The following SNX29 variants were observed in gnomAD, a reference collection of about 807,000 sequenced individuals.
The protein encoded by SNX29 is sorting nexin-29.
SNX29 carries 78 observed loss-of-function variants against 102.1 expected under a neutral mutation model. The ratio of observed to expected loss-of-function variants is 0.76; its 90% CI spans 0.64 to 0.92. SNX29 has a LOEUF of 0.92. SNX29 is among the 40% of genes least tolerant of loss of function. The pLI is 0.00. For missense variants in SNX29, 1,280 were observed against 1,061.7 expected (o/e 1.21, Z -2.86); for synonymous variants, 580 against 414.5 (o/e 1.40, Z -4.85).
chr16:12,541,640 C>T (rs903789162), intron 20 of SNX29, among the ~76,000 whole-genome samples: 2 of 152,174 alleles, frequency 1.3e-5, no homozygotes, highest in Non-Finnish European at 2.9e-5. Flanking sequence ...ATCGCATCTT[C>T]GTTCAGCCAG....
At chr16:12,089,836 TC>T in intron 11 of SNX29, 1 of 400,512 alleles carries the variant, frequency 2.5e-6, no homozygotes, top group Non-Finnish European at 4.9e-6. Context: ...GTGCGTTCCT[TC>T]CGTCCTTCAC....
chr16:12,335,454 C>A (rs2081417823), intron 15 of SNX29, among the ~76,000 whole-genome samples: 1 of 152,064 alleles, frequency 6.6e-6, no homozygotes. Context: ...CTCTTCAGGT[C>A]AAGAGTTCAA....
intron 14 of SNX29, among the ~76,000 whole-genome samples, chr16:12,239,490 G>A (rs1156284559): frequency 6.6e-6 from 1 of 151,794 alleles, no homozygotes; most frequent in Non-Finnish European, 1.5e-5. Flanking sequence ...ACCAAATGTT[G>A]GCTTATTTAA....
chr16:12,279,569 G>A (rs2079366151), intron 15 of SNX29, among the ~76,000 whole-genome samples: 1 of 152,216 alleles, frequency 6.6e-6, no homozygotes, highest in Admixed American at 6.5e-5. Flanking sequence ...GCTGGTGGCA[G>A]TGCCAGGGTT....
intron 11 of SNX29, chr16:12,089,783 A>G: frequency 2.9e-6 from 1 of 341,650 alleles, no homozygotes; most frequent in Non-Finnish European, 5.6e-6. Flanking sequence ...TCTTGCGAAG[A>G]GCAGGCTCTG....
chr16:12,225,237 T>G (rs893659418), intron 14 of SNX29, among the ~76,000 whole-genome samples: 1 of 152,168 alleles, frequency 6.6e-6, no homozygotes, highest in African/African-American at 2.4e-5. Flanking sequence ...AGGGACATCT[T>G]TTTTACTTGG....
At chr16:12,553,695 A>G (rs1159116029) in intron 20 of SNX29, among the ~76,000 whole-genome samples, 3 of 150,090 alleles carry the variant, frequency 2.0e-5, no homozygotes. Flanking sequence ...GGTTCAAACA[A>G]TTCTGCCTCA....
chr16:12,400,706 G>A lies in SNX29; in HGVS notation c.1955+2205G>A, dbSNP rs16959496. 4.4e-3 allele frequency among the ~76,000 whole-genome samples: 674 copies of A among 152,218 alleles called. 5 individuals carry two copies. Among genetic ancestry groups the A allele is most frequent in the African/African-American group, 0.016 (646 of 41,508 alleles). On this transcript the variant is annotated intron_variant, in intron 17 of 20. Transcript: ENST00000566228. ...AAATAATTTATCTGTAACAACTATT[G>A]GCATATATACACCTGACAACAAAGC...
chr16:12,333,299 A>C (rs1482037581), intron 15 of SNX29, among the ~76,000 whole-genome samples: 1 of 151,374 alleles, frequency 6.6e-6, no homozygotes, highest in Non-Finnish European at 1.5e-5. Context: ...TAGAGATGGG[A>C]TTTCACCATA....
At chr16:12,090,427 C>T (rs1335697601) in intron 11 of SNX29, 1 of 152,188 alleles carries the variant, frequency 6.6e-6, no homozygotes, top group Admixed American at 6.5e-5. Flanking sequence ...CCGCCTCACG[C>T]GGTTATTGAT....
At chr16:11,996,598 C>T (rs1404604411) in intron 1 of SNX29, among the ~76,000 whole-genome samples, 1 of 152,094 alleles carries the variant, frequency 6.6e-6, no homozygotes, top group Non-Finnish European at 1.5e-5. Context: ...AAGGCATTTC[C>T]AGTGCGGGGA....
chr16:12,084,595 C>CA (rs2052070209), intron 11 of SNX29, among the ~76,000 whole-genome samples: 1 of 152,170 alleles, frequency 6.6e-6, no homozygotes, highest in Admixed American at 6.5e-5. Flanking sequence ...CATGTGCCCT[C>CA]AGGGCCGGGA....
At chr16:12,465,539 C>G (rs2087011253) in intron 18 of SNX29, among the ~76,000 whole-genome samples, 1 of 152,074 alleles carries the variant, frequency 6.6e-6, no homozygotes, top group African/African-American at 2.4e-5. Flanking sequence ...GGATTTACTT[C>G]TGGGCTTTGT....
rs898084540 is a variant in SNX29 at position 12,569,586 on chromosome 16, T to A, written c.*957T>A. On this transcript the variant is annotated 3_prime_UTR_variant, in exon 21 of 21. Transcript: ENST00000566228. ...GTCTCTCCACTAAAAACATTTTCCA[T>A]CCCGTCTGCCCCCGACATTGTCCTT... The A allele has an allele frequency of 4.3e-6, 1 of 230,166 alleles. No homozygotes were observed. The highest frequency in any genetic ancestry group is 6.2e-5 in the East Asian group (1 of 16,160). 14.3% of individuals were successfully genotyped at this position (230,166 alleles called of 1,614,324 possible).
At chr16:12,315,693 A>G (rs916830170) in intron 15 of SNX29, among the ~76,000 whole-genome samples, 1 of 152,178 alleles carries the variant, frequency 6.6e-6, no homozygotes, top group African/African-American at 2.4e-5. Flanking sequence ...GCCCCTCTAC[A>G]ACTGTGGGAA....
intron 2 of SNX29, among the ~76,000 whole-genome samples, chr16:12,001,745 C>A (rs962625163): frequency 6.6e-6 from 1 of 152,082 alleles, no homozygotes; most frequent in South Asian, 2.1e-4. Flanking sequence ...AGGCCAGGCA[C>A]GGTGGCTCAC....
At chr16:12,231,171 C>G (rs2077758629) in intron 14 of SNX29, among the ~76,000 whole-genome samples, 2 of 152,110 alleles carry the variant, frequency 1.3e-5, no homozygotes, top group South Asian at 4.1e-4. Flanking sequence ...GTCATTTAAA[C>G]ATTAAACTGT....
intron 15 of SNX29, among the ~76,000 whole-genome samples, chr16:12,300,376 G>A (rs1238863465): frequency 6.6e-6 from 1 of 152,074 alleles, no homozygotes; most frequent in South Asian, 2.1e-4. Flanking sequence ...CGCTCTGATA[G>A]CATCGATCAT....
intron 15 of SNX29, among the ~76,000 whole-genome samples, chr16:12,348,550 A>ATG (rs147478195): frequency 2.1e-4 from 31 of 151,214 alleles, no homozygotes; most frequent in Admixed American, 3.3e-4. Context: ...GTGTGTGTAC[A>ATG]TGTGTGTGTG....
Sources: gnomAD v4.1 joint callset for allele counts (sites outside exome capture counted in the v4.1 genomes callset) on GRCh38, gnomAD v4.1.1 for gene constraint, MANE v1.5 for transcripts, NCBI Gene and HGNC (gene_info 2026-07-23, HGNC 2026-07-21) for gene names.